Variants in PRKCE observed in about 807,000 individuals in gnomAD.
The protein encoded by PRKCE is protein kinase C epsilon type.
Under a neutral mutation model 85.4 loss-of-function variants are expected in PRKCE, and 16 were observed. The ratio of observed to expected loss-of-function variants is 0.19; its 90% CI spans 0.13 to 0.28. PRKCE has a LOEUF of 0.28. Ranked by LOEUF, PRKCE falls within the 10% of genes least tolerant of loss-of-function variation. The pLI is 1.00. For missense variants in PRKCE, 573 were observed against 975.2 expected (o/e 0.59, Z 5.49); for synonymous variants, 388 against 371.5 (o/e 1.04, Z -0.51).
chr2:45,884,995 A>ATTT (rs1210402363), intron 2 of PRKCE, among the ~76,000 whole-genome samples: 3 of 70,242 alleles, frequency 4.3e-5, no homozygotes, highest in East Asian at 1.2e-3. Flanking sequence ...ATATATATAT[A>ATTT]TATATATTTG....
chr2:45,818,869 G>A (rs1369449781), intron 1 of PRKCE, among the ~76,000 whole-genome samples: 1 of 152,184 alleles, frequency 6.6e-6, no homozygotes, highest in Non-Finnish European at 1.5e-5. Context: ...GTATCTAATA[G>A]CTTGCAAGAA....
intron 2 of PRKCE, among the ~76,000 whole-genome samples, chr2:45,846,763 G>T (rs1223362053): frequency 6.6e-6 from 1 of 152,186 alleles, no homozygotes; most frequent in Admixed American, 6.5e-5. Flanking sequence ...TAGTAGCTTA[G>T]AGCCTCAGAT....
chr2:45,944,141 CA>C (rs1311155412), intron 2 of PRKCE, among the ~76,000 whole-genome samples: 2 of 152,322 alleles, frequency 1.3e-5, no homozygotes, highest in East Asian at 3.9e-4. Context: ...TCATTGATCC[CA>C]AAGCCTTTTA....
intron 1 of PRKCE, among the ~76,000 whole-genome samples, chr2:45,771,745 G>T (rs1685356871): frequency 6.6e-6 from 1 of 151,688 alleles, no homozygotes; most frequent in Non-Finnish European, 1.5e-5. Flanking sequence ...GTGAGTGTGT[G>T]TTGGGGGCTG....
chr2:45,951,855 C>T (rs56329617), intron 2 of PRKCE, among the ~76,000 whole-genome samples: 12,511 of 152,220 alleles, frequency 0.082, 668 homozygotes, highest in South Asian at 0.21. Flanking sequence ...TTTTTTGAGA[C>T]GGAGTCTTGC....
intron 2 of PRKCE, among the ~76,000 whole-genome samples, chr2:45,882,310 G>A (rs550807569): frequency 7.2e-5 from 11 of 152,242 alleles, no homozygotes; most frequent in South Asian, 6.2e-4. Context: ...GACAGCTGCC[G>A]TATCTCTTGT....
chr2:46,026,359 A>G (rs1558976713), intron 10 of PRKCE, among the ~76,000 whole-genome samples: 1 of 152,230 alleles, frequency 6.6e-6, no homozygotes, highest in African/African-American at 2.4e-5. Context: ...GAGGAGGACA[A>G]GAATCGGGAG....
At chr2:45,800,118 G>T (rs1458082852) in intron 1 of PRKCE, among the ~76,000 whole-genome samples, 1 of 152,170 alleles carries the variant, frequency 6.6e-6, no homozygotes, top group Non-Finnish European at 1.5e-5. Context: ...ATAGTTGCAG[G>T]GTAGGGTAGT....
chr2:45,955,718 G>A (rs974861959), intron 2 of PRKCE, among the ~76,000 whole-genome samples: 2 of 152,028 alleles, frequency 1.3e-5, no homozygotes, highest in African/African-American at 4.8e-5. Flanking sequence ...ATTGCGCTCA[G>A]GGTTATTTTT....
chr2:45,716,235 G>C (rs2104413824), intron 1 of PRKCE, among the ~76,000 whole-genome samples: 1 of 152,328 alleles, frequency 6.6e-6, no homozygotes, highest in Admixed American at 6.5e-5. Flanking sequence ...ACTGCCCTGG[G>C]GCCAGGTGCA....
chr2:45,934,700 A>G (rs915931036), intron 2 of PRKCE, among the ~76,000 whole-genome samples: 2 of 151,924 alleles, frequency 1.3e-5, no homozygotes, highest in East Asian at 1.9e-4. Context: ...ATAAAGCTCT[A>G]AAAAGATTCC....
intron 4 of PRKCE, among the ~76,000 whole-genome samples, chr2:45,979,286 C>T (rs1266020438): frequency 6.6e-6 from 1 of 152,200 alleles, no homozygotes; most frequent in Non-Finnish European, 1.5e-5. Flanking sequence ...GCACTTTCAT[C>T]TTTCTGAATG....
At chr2:46,039,420 T>A (rs1232676613) in intron 10 of PRKCE, among the ~76,000 whole-genome samples, 1 of 152,162 alleles carries the variant, frequency 6.6e-6, no homozygotes, top group Admixed American at 6.5e-5. Context: ...GATCTCCATA[T>A]GTATATTCCA....
At chr2:46,175,256 T>C (rs1398376489) in intron 14 of PRKCE, among the ~76,000 whole-genome samples, 1 of 152,180 alleles carries the variant, frequency 6.6e-6, no homozygotes, top group Non-Finnish European at 1.5e-5. Flanking sequence ...CAGTGAAAAC[T>C]AATTGGTTCT....
intron 14 of PRKCE, among the ~76,000 whole-genome samples, chr2:46,179,607 A>G (rs1679772892): frequency 6.6e-6 from 1 of 152,246 alleles, no homozygotes; most frequent in Non-Finnish European, 1.5e-5. Context: ...CACAGGGGTC[A>G]GACATACCCA....
chr2:46,064,136 G>C (rs1667399370), intron 10 of PRKCE, among the ~76,000 whole-genome samples: 1 of 151,906 alleles, frequency 6.6e-6, no homozygotes, highest in African/African-American at 2.4e-5. Flanking sequence ...ACAAAAATTA[G>C]CCAGGCATGG....
At chr2:45,701,353 C>T (rs1678624556) in intron 1 of PRKCE, 1 of 151,978 alleles carries the variant, frequency 6.6e-6, no homozygotes, top group South Asian at 2.1e-4. Flanking sequence ...TTGATTGATC[C>T]ACCTATCTAT....
chr2:45,659,680 T>A (rs898273846), intron 1 of PRKCE, among the ~76,000 whole-genome samples: 6 of 152,168 alleles, frequency 3.9e-5, no homozygotes, highest in Non-Finnish European at 8.8e-5. Context: ...GCCTCAGTCT[T>A]TACCCTTGCC....
At chr2:46,125,700 A>C (rs994167773) in intron 11 of PRKCE, among the ~76,000 whole-genome samples, 1 of 152,234 alleles carries the variant, frequency 6.6e-6, no homozygotes, top group Non-Finnish European at 1.5e-5. Context: ...AGGCATAAAT[A>C]TACCTTCACA....
Sources: allele counts gnomAD v4.1 joint callset (sites outside exome capture counted in the v4.1 genomes callset), GRCh38; gene constraint gnomAD v4.1.1; transcripts MANE v1.5; gene names NCBI Gene and HGNC (gene_info 2026-07-23, HGNC 2026-07-21).